Variants in SF3B1 observed in about 807,000 individuals in gnomAD.
The protein encoded by SF3B1 is splicing factor 3b subunit 1, also known as pre-mRNA processing 10.
A neutral mutation model predicts 153.8 loss-of-function variants in SF3B1; 12 were observed. That is an observed-to-expected ratio of 0.08 (90% CI 0.05 to 0.13). The LOEUF is 0.13. Among genes scored for constraint, SF3B1 ranks in the 10% least tolerant of loss-of-function variants. The pLI, the probability that SF3B1 is intolerant of heterozygous loss-of-function variation, is 1.00. For missense variants in SF3B1, 513 were observed against 1,606.1 expected, an observed-to-expected ratio of 0.32 and a Z score of 11.63; for synonymous variants, 498 against 525.2, an observed-to-expected ratio of 0.95 and a Z score of 0.71.
rs2085151241 is a variant in SF3B1 at position 197,416,530 on chromosome 2, G to A, written c.666+211C>T. 13 of 477,824 alleles carry A rather than the reference G, an allele frequency of 2.7e-5. No homozygotes were observed. The South Asian group carries it at 4.2e-4, about 15-fold the overall frequency. 29.6% of individuals were successfully genotyped at this position (477,824 alleles called of 1,614,324 possible). On this transcript the variant is annotated intron_variant, in intron 6 of 24. Transcript: ENST00000335508. ...TTGCTGGCACAGAGAAAGGCCATGT[G>A]AGGACACAGCAAGAAAGCCCTCAAC...
chr2:197,431,287 T>G (rs1287278736), intron 1 of SF3B1, among the ~76,000 whole-genome samples: 3 of 151,912 alleles, frequency 2.0e-5, no homozygotes, highest in Non-Finnish European at 4.4e-5. Flanking sequence ...CCGGTTAATT[T>G]TTTTGTACTT....
In SF3B1 at chr2:197,400,748, A is replaced by G. The variant is rs2084930093; in HGVS notation, c.2685T>C (p.Gly895=). The stretch of plus-strand genomic sequence containing the variant: ...TCTGTTCTTGGAAAGCATAAAGAAT[A>G]CCATCAATCAGTTGTTCTTCAAGTT... ...DHKLEEQLID[G]ILYAFQEQTT... is the part of the protein sequence containing the mutation. The change falls in exon 18 of 25, where the codon GGT becomes GGC. Residue 895 remains glycine, a synonymous_variant. Transcript: ENST00000335508. This position sits in a 1 kb window ranked among gnomAD's most constrained non-coding sequence, Gnocchi z 5.0. 1 of 1,612,250 alleles carries G rather than the reference A, an allele frequency of 6.2e-7. No individual in the cohort carries two copies. The highest frequency in any genetic ancestry group is 1.7e-5 in the Admixed American group (1 of 59,990).
chr2:197,393,198 A>C lies in SF3B1; in HGVS notation c.3540-10T>G. On this transcript the variant is annotated splice_polypyrimidine_tract_variant and intron_variant, in intron 23 of 24. Transcript: ENST00000335508. ...TCTGTGTACAAGGTCTCTACAACGG[A>C]AGGGAAAAAAGTCCTTTAAGATGCG... The C allele has an allele frequency of 6.3e-7, 1 of 1,590,246 alleles. No individual in the cohort carries two copies. The highest frequency in any genetic ancestry group is 8.6e-7 in the Non-Finnish European group (1 of 1,158,478).
In SF3B1 at chr2:197,421,797, G is replaced by A. The variant is rs371360759; in HGVS notation, c.196-664C>T. Among the ~76,000 whole-genome samples the A allele has an allele frequency of 1.7e-4, 26 of 152,186 alleles. No homozygotes were observed. The South Asian group carries it at 5.2e-3, about 30-fold the overall frequency. On this transcript the variant is annotated intron_variant, in intron 2 of 24. Transcript: ENST00000335508. ...GTTCAAGACCAGCCTGGGCAACATG[G>A]TGAAACTCTGTCTCTACCAAAAAAA...
intron 24 of SF3B1, 52 bp from the exon 25 acceptor site, chr2:197,392,513 C>T (rs1299227901): frequency 4.0e-6 from 3 of 757,198 alleles, no homozygotes; most frequent in Non-Finnish European, 6.0e-6. Context: ...CATACATAAC[C>T]TTAACAAAAT....
At chr2:197,419,948 CTTTTG>C (rs911536383) in intron 4 of SF3B1, 3 of 222,652 alleles carry the variant, frequency 1.3e-5, no homozygotes, top group East Asian at 6.6e-5. Context: ...CGTATACATA[CTTTTG>C]TTTTAACTTT....
chr2:197,422,865 G>C (rs2085268487), intron 2 of SF3B1, among the ~76,000 whole-genome samples: 1 of 151,852 alleles, frequency 6.6e-6, no homozygotes, highest in East Asian at 1.9e-4. Flanking sequence ...ATTCCAGCCT[G>C]GGCAACAGAG....
intron 6 of SF3B1, among the ~76,000 whole-genome samples, chr2:197,410,599 G>A (rs563024720): frequency 2.1e-5 from 3 of 143,520 alleles, no homozygotes; most frequent in African/African-American, 5.3e-5. Context: ...TCTGCCTCCC[G>A]GGTTCAAGTG....
intron 24 of SF3B1, 30 bp from the exon 25 acceptor site, chr2:197,392,491 A>G (rs2084820324): frequency 1.8e-6 from 2 of 1,084,702 alleles, no homozygotes; most frequent in South Asian, 2.8e-5. Flanking sequence ...ACATTATTTC[A>G]ATTTTTAAGA....
In SF3B1 at chr2:197,401,530, A is replaced by G; in HGVS notation, c.2371-5T>C. The G allele has an allele frequency of 1.2e-6, 2 of 1,607,064 alleles. No homozygotes were observed. Among genetic ancestry groups the G allele is most frequent in the Non-Finnish European group, 1.7e-6 (2 of 1,176,596 alleles). On this transcript the variant is annotated splice_region_variant and splice_polypyrimidine_tract_variant and intron_variant, in intron 16 of 24. Coordinates refer to ENST00000335508, the MANE Select transcript of SF3B1 (RefSeq NM_012433.4). The surrounding 1 kb of genome is among the most constrained non-coding windows in gnomAD (Gnocchi z 4.2). ...CCCACAACACTGTTTTACCACCTAA[A>G]AGGTTAAGAAATAGTAATAATAAAT...
In SF3B1 at chr2:197,402,497, T is replaced by G. The variant is rs149825868; in HGVS notation, c.2077+59A>C. On this transcript the variant is annotated intron_variant, in intron 14 of 24. Transcript: ENST00000335508. The surrounding 1 kb of genome is among the most constrained non-coding windows in gnomAD (Gnocchi z 4.6). ...AGGTTTGAGTCCAGTCTGGGCAACA[T>G]AGTAAGACCCTGTCTCCTAAAGAAA... The G allele has an allele frequency of 1.6e-5, 24 of 1,490,736 alleles. No homozygotes were observed. Among genetic ancestry groups the G allele is most frequent in the Admixed American group, 1.1e-4 (6 of 52,362 alleles). The allele number at this position is 1,490,736 out of a possible 1,614,324, so 92.3% of individuals were successfully genotyped here. A position where few individuals can be genotyped will look rare whatever the true frequency, so the allele number is the denominator to read the frequency against.
At chr2:197,403,807 CA>C in intron 11 of SF3B1, 43 bp from the exon 12 acceptor site, 1 of 1,452,218 alleles carries the variant, frequency 6.9e-7, no homozygotes, top group Non-Finnish European at 9.2e-7. Flanking sequence ...TCTTTATAAT[CA>C]AACATTTTGA....
Position 197,398,147 on chromosome 2 carries a change from G to A in SF3B1, c.3135-31C>T, listed in dbSNP as rs369460789. ...TTAAAAAATACACATATTAATTATT[G>A]TGACATTAAGAAAAGTTTTAAGGAT... On this transcript the variant is annotated intron_variant, in intron 21 of 24. Coordinates refer to ENST00000335508, the MANE Select transcript of SF3B1 (RefSeq NM_012433.4). The A allele has an allele frequency of 1.9e-6, 3 of 1,541,578 alleles. No individual in the cohort carries two copies. In the African/African-American group the frequency reaches 4.1e-5, roughly 21 times the overall value.
In SF3B1 at chr2:197,435,002, T is replaced by C. The variant is rs201432897; in HGVS notation, c.-3A>G. ...TGAGTCTTGGCGATCTTCGCCATTT[T>C]GTCCACTCGAACACACAGACGGAAC... On this transcript the variant is annotated 5_prime_UTR_variant, in exon 1 of 25. Transcript: ENST00000335508. 159 of 1,614,162 alleles carry C rather than the reference T, an allele frequency of 9.9e-5. No homozygotes were observed. The highest frequency in any genetic ancestry group is 4.9e-4 in the Middle Eastern group (3 of 6,084).
At chr2:197,431,113 T>C (rs1166282907) in intron 1 of SF3B1, among the ~76,000 whole-genome samples, 1 of 136,634 alleles carries the variant, frequency 7.3e-6, no homozygotes, top group African/African-American at 2.8e-5. Context: ...TCTTTTTTTT[T>C]TTTTTTTTTT....
intron 7 of SF3B1, among the ~76,000 whole-genome samples, chr2:197,409,448 G>C (rs1322989423): frequency 6.6e-6 from 1 of 151,722 alleles, no homozygotes; most frequent in African/African-American, 2.4e-5. Context: ...TATAGTCTCA[G>C]CTACTAAGAA....
At chr2:197,394,990 C>G (rs1016633496) in intron 23 of SF3B1, among the ~76,000 whole-genome samples, 1 of 152,116 alleles carries the variant, frequency 6.6e-6, no homozygotes. Context: ...CTTGTATTTA[C>G]TAATATTCTT....
intron 6 of SF3B1, 26 bp downstream of exon 6, chr2:197,416,715 A>C: frequency 6.3e-7 from 1 of 1,593,636 alleles, no homozygotes; most frequent in Non-Finnish European, 8.5e-7. Context: ...TTTTAACAGT[A>C]ATAACAAAAA....
rs73988460 is a variant in SF3B1, at chr2:197,416,995, C to T, written c.496-84G>A. On this transcript the variant is annotated intron_variant, in intron 5 of 24. Coordinates refer to ENST00000335508, the MANE Select transcript of SF3B1 (RefSeq NM_012433.4). ...AGCGCAATCACTTCCACTTAACATC[C>T]TATTTTATACTTTGCTCATTCTCTT... The T allele has an allele frequency of 0.012, 15,953 of 1,322,126 alleles. 1,404 individuals are homozygous for T. In the African/African-American group the frequency reaches 0.2, roughly 16 times the overall value. 81.9% of individuals were successfully genotyped at this position (1,322,126 alleles called of 1,614,324 possible).
Sources: allele counts gnomAD v4.1 joint callset (sites outside exome capture counted in the v4.1 genomes callset), GRCh38; gene constraint gnomAD v4.1.1; non-coding constraint Gnocchi (gnomAD v3.1); transcripts MANE v1.5; gene names NCBI Gene and HGNC (gene_info 2026-07-23, HGNC 2026-07-21).